The following UBE2E2 variants were observed in gnomAD, a reference collection of about 807,000 sequenced individuals.
The protein encoded by UBE2E2 is ubiquitin-conjugating enzyme E2 E2.
A neutral mutation model predicts 24.7 loss-of-function variants in UBE2E2; 6 were observed. The observed-to-expected ratio is 0.24, with a 90% CI of 0.13 to 0.48. The LOEUF is 0.48. UBE2E2 is among the 20% of genes least tolerant of loss of function. The pLI is 0.99. For missense variants in UBE2E2, 169 were observed against 245.0 expected, an observed-to-expected ratio of 0.69 and a Z score of 2.07; for synonymous variants, 104 against 83.6, an observed-to-expected ratio of 1.24 and a Z score of -1.33.
At chr3:23,469,673 A>G (rs1698994177) in intron 3 of UBE2E2, among the ~76,000 whole-genome samples, 1 of 152,226 alleles carries the variant, frequency 6.6e-6, no homozygotes, top group Non-Finnish European at 1.5e-5. Flanking sequence ...TTTATAATGC[A>G]TACATCAGGT....
Position 23,589,995 on chromosome 3 carries a change from C to T in UBE2E2, c.*164C>T. ...GTCCATCTTCCCATCCCAGTTCTTC[C>T]TGCCCCCCTTCCTCTCTCCCACGCT... On this transcript the variant is annotated 3_prime_UTR_variant, in exon 6 of 6. Coordinates refer to ENST00000396703, the MANE Select transcript of UBE2E2 (RefSeq NM_152653.4). This position sits in a 1 kb window ranked among gnomAD's most constrained non-coding sequence, Gnocchi z 4.1. 1 of 571,794 alleles carries T rather than the reference C, an allele frequency of 1.7e-6. No individual in the cohort carries two copies. The highest frequency in any genetic ancestry group is 2.9e-5 in the South Asian group (1 of 34,460). 35.4% of individuals were successfully genotyped at this position (571,794 alleles called of 1,614,324 possible).
At chr3:23,351,073 A>G (rs938119437) in intron 3 of UBE2E2, among the ~76,000 whole-genome samples, 4 of 151,994 alleles carry the variant, frequency 2.6e-5, no homozygotes, top group African/African-American at 9.7e-5. Flanking sequence ...GAGAGTGGGG[A>G]CAAATATTCA....
intron 3 of UBE2E2, among the ~76,000 whole-genome samples, chr3:23,491,678 G>C (rs996143200): frequency 2.0e-5 from 3 of 152,200 alleles, no homozygotes; most frequent in Non-Finnish European, 4.4e-5. Context: ...AATTCTTTAT[G>C]AAAGACTTTG....
chr3:23,587,987 C>G (rs1407025771), intron 5 of UBE2E2, among the ~76,000 whole-genome samples: 1 of 152,196 alleles, frequency 6.6e-6, no homozygotes, highest in African/African-American at 2.4e-5. Flanking sequence ...AAAACTTAAG[C>G]AAGTCTTGTT....
intron 3 of UBE2E2, among the ~76,000 whole-genome samples, chr3:23,427,259 CAAAA>C (rs74787665): frequency 2.3e-5 from 2 of 88,476 alleles, no homozygotes; most frequent in Non-Finnish European, 2.4e-5. Flanking sequence ...CCATCTCTAC[CAAAA>C]AAAAAAAAAA....
chr3:23,265,004 T>C (rs568054410), intron 3 of UBE2E2, among the ~76,000 whole-genome samples: 1 of 152,134 alleles, frequency 6.6e-6, no homozygotes, highest in Non-Finnish European at 1.5e-5. Context: ...ATAGCGTCAG[T>C]AGAGTATTGC....
intron 4 of UBE2E2, among the ~76,000 whole-genome samples, chr3:23,531,567 T>C (rs1695123411): frequency 6.6e-6 from 1 of 152,202 alleles, no homozygotes. Context: ...ACAGTGGTGA[T>C]CTAGCTATCA....
At chr3:23,376,897 G>T (rs1696536468) in intron 3 of UBE2E2, among the ~76,000 whole-genome samples, 1 of 152,184 alleles carries the variant, frequency 6.6e-6, no homozygotes, top group African/African-American at 2.4e-5. Flanking sequence ...TTCGCAAGGG[G>T]AGGGGTACCA....
intron 3 of UBE2E2, among the ~76,000 whole-genome samples, chr3:23,423,023 CTG>C (rs1044436175): frequency 8.5e-5 from 13 of 152,160 alleles, no homozygotes; most frequent in African/African-American, 3.1e-4. Context: ...CTTGGTTTTT[CTG>C]TGTGTCTGCT....
At chr3:23,387,810 C>A (rs556032175) in intron 3 of UBE2E2, among the ~76,000 whole-genome samples, 1 of 152,246 alleles carries the variant, frequency 6.6e-6, no homozygotes, top group African/African-American at 2.4e-5. Flanking sequence ...TTGTCTCTGG[C>A]GAATTCCTGT....
intron 5 of UBE2E2, among the ~76,000 whole-genome samples, chr3:23,563,017 C>T (rs144907417): frequency 0.058 from 8,875 of 152,118 alleles, 333 homozygotes; most frequent in Non-Finnish European, 0.087. Context: ...TTTCAAAAAA[C>T]CAGCTCCTGG....
At chr3:23,451,814 T>C (rs1315272539) in intron 3 of UBE2E2, among the ~76,000 whole-genome samples, 4 of 152,150 alleles carry the variant, frequency 2.6e-5, no homozygotes, top group Non-Finnish European at 5.9e-5. Flanking sequence ...TTAAAAAATA[T>C]ATTTATGCTT....
In UBE2E2 at chr3:23,217,189, T is replaced by TCATTAAA. The variant is rs1483559095; in HGVS notation, c.177-73_177-72insCATTAAA. ...ACCAAAGGGAAATGTTATTAAAATG[T>TCATTAAA]AACGTTTTAATGAAATAAATTGTTA... On this transcript the variant is annotated intron_variant, in intron 2 of 5. Transcript: ENST00000396703. The TCATTAAA allele has an allele frequency of 1.2e-5, 16 of 1,327,318 alleles. No individual in the cohort carries two copies. In the African/African-American group the frequency reaches 2.3e-4, roughly 19 times the overall value. 82.2% of individuals were successfully genotyped at this position (1,327,318 alleles called of 1,614,324 possible).
chr3:23,274,959 C>G (rs890262598), intron 3 of UBE2E2, among the ~76,000 whole-genome samples: 2 of 152,080 alleles, frequency 1.3e-5, no homozygotes, highest in Non-Finnish European at 2.9e-5. Context: ...TGGTCAGGAC[C>G]TGAGCTGTAT....
intron 3 of UBE2E2, among the ~76,000 whole-genome samples, chr3:23,319,115 A>G (rs2125287062): frequency 6.6e-6 from 1 of 152,358 alleles, no homozygotes; most frequent in Admixed American, 6.5e-5. Flanking sequence ...ATGACTGCTT[A>G]TTTAAAACCG....
At chr3:23,208,663 A>G in intron 1 of UBE2E2, 29 bp from the exon 2 acceptor site, 1 of 1,571,934 alleles carries the variant, frequency 6.4e-7, no homozygotes, top group Non-Finnish European at 8.6e-7. Flanking sequence ...AGTACAGCTA[A>G]ATAAATGATT....
chr3:23,308,693 C>T (rs949393430), intron 3 of UBE2E2, among the ~76,000 whole-genome samples: 4 of 151,992 alleles, frequency 2.6e-5, no homozygotes, highest in Non-Finnish European at 5.9e-5. Flanking sequence ...GGAATGGAAC[C>T]AATAAGATAT....
chr3:23,589,616 G>A lies in UBE2E2; in HGVS notation c.509-118G>A, dbSNP rs891771356. 2.1e-6 allele frequency: 2 copies of A among 974,044 alleles called. No homozygotes were observed. Among genetic ancestry groups the A allele is most frequent in the Non-Finnish European group, 3.1e-6 (2 of 640,034 alleles). 60.3% of individuals were successfully genotyped at this position (974,044 alleles called of 1,614,324 possible). On this transcript the variant is annotated intron_variant, in intron 5 of 5. Coordinates refer to ENST00000396703, the MANE Select transcript of UBE2E2 (RefSeq NM_152653.4). This position sits in a 1 kb window ranked among gnomAD's most constrained non-coding sequence, Gnocchi z 4.1. ...GACTGGCTCAGCCGCAGCAATGGTGGTCCAGGTTAGAACAGCAGCTTCTCA... is the reference window on the plus strand; with the variant it reads ...GACTGGCTCAGCCGCAGCAATGGTGATCCAGGTTAGAACAGCAGCTTCTCA...
intron 4 of UBE2E2, among the ~76,000 whole-genome samples, chr3:23,528,725 C>T (rs1249819193): frequency 6.6e-6 from 1 of 152,170 alleles, no homozygotes; most frequent in East Asian, 1.9e-4. Flanking sequence ...CTTTAGCATG[C>T]ATCTAGCTAC....
Sources: allele counts gnomAD v4.1 joint callset (sites outside exome capture counted in the v4.1 genomes callset), GRCh38; gene constraint gnomAD v4.1.1; non-coding constraint Gnocchi (gnomAD v3.1); transcripts MANE v1.5; gene names NCBI Gene and HGNC (gene_info 2026-07-23, HGNC 2026-07-21).